ADGRB3: variants seen among roughly 807,000 people sequenced by gnomAD.
The protein encoded by ADGRB3 is adhesion G protein-coupled receptor B3.
Under a neutral mutation model 193.4 loss-of-function variants are expected in ADGRB3, and 37 were observed. That is an observed-to-expected ratio of 0.19 (90% CI 0.15 to 0.25). ADGRB3 has a LOEUF of 0.25. Ranked by LOEUF, ADGRB3 falls within the 10% of genes least tolerant of loss-of-function variation. The pLI is 1.00. For synonymous variants in ADGRB3, 690 were observed against 644.2 expected (o/e 1.07, Z -1.08); for missense variants, 1,637 against 1,852.9 (o/e 0.88, Z 2.14).
intron 3 of ADGRB3, among the ~76,000 whole-genome samples, chr6:68,793,917 G>A (rs1409617087): frequency 6.6e-6 from 1 of 152,012 alleles, no homozygotes; most frequent in African/African-American, 2.4e-5. Context: ...AGCATTTTTT[G>A]TATTAAATCT....
chr6:69,361,006 A>G lies in ADGRB3; in HGVS notation c.3733A>G (p.Ile1245Val). 1 of 1,612,794 alleles carries G rather than the reference A, an allele frequency of 6.2e-7. No individual in the cohort carries two copies. Among genetic ancestry groups the G allele is most frequent in the Non-Finnish European group, 8.5e-7 (1 of 1,179,176 alleles). The change falls in exon 29 of 32, where the codon ATT (isoleucine) becomes GTT (valine). Residue 1245 changes from isoleucine (I) to valine (V), a missense_variant. Physicochemically the swap from Ile to Val is conservative, Grantham distance 29 (BLOSUM62 3). Coordinates refer to ENST00000370598, the MANE Select transcript of ADGRB3 (RefSeq NM_001704.3). The stretch of plus-strand genomic sequence containing the variant: ...CTATTCAACATTGCCTGGAAATGTC[A>G]TTTCCAAAGTCATCATCCAGCAACC... ...LSYSTLPGNV[I>V]SKVIIQQPTG...
intron 17 of ADGRB3, among the ~76,000 whole-genome samples, chr6:69,164,429 G>A (rs1031100817): frequency 6.6e-6 from 1 of 152,080 alleles, no homozygotes; most frequent in African/African-American, 2.4e-5. Context: ...AGAATCAGCG[G>A]TAAGCAGATG....
At chr6:68,690,989 T>C (rs1014396725) in intron 3 of ADGRB3, among the ~76,000 whole-genome samples, 4 of 152,126 alleles carry the variant, frequency 2.6e-5, no homozygotes, top group African/African-American at 9.7e-5. Context: ...TTCTGACAAC[T>C]GAACACTTTA....
At chr6:68,845,037 A>G (rs1294896814) in intron 3 of ADGRB3, among the ~76,000 whole-genome samples, 1 of 152,162 alleles carries the variant, frequency 6.6e-6, no homozygotes, top group Non-Finnish European at 1.5e-5. Flanking sequence ...GAAATAATGG[A>G]TAAGATCTGG....
At position 69,040,347 on chromosome 6, in the gene ADGRB3, T is replaced by TTCTTTCTTTCTTTC. The variant is rs1554251261; in HGVS notation, c.2108-7836_2108-7823dup. Among the ~76,000 whole-genome samples the TTCTTTCTTTCTTTC allele has an allele frequency of 3.0e-3, 162 of 54,416 alleles. 1 individual carries two copies. Among genetic ancestry groups the TTCTTTCTTTCTTTC allele is most frequent in the Non-Finnish European group, 5.5e-3 (145 of 26,596 alleles). The allele number at this position is 54,416 out of a possible 152,430, so 35.7% of individuals were successfully genotyped here. ...TTTCTTTCTTTCTTTCTTTCTTTCT[T>TTCTTTCTTTCTTTC]TCTTTCTTTCTTTCTTTCTTTCTTT... On this transcript the variant is annotated intron_variant, in intron 13 of 31. Coordinates refer to ENST00000370598, the MANE Select transcript of ADGRB3 (RefSeq NM_001704.3).
intron 5 of ADGRB3, among the ~76,000 whole-genome samples, chr6:68,942,928 T>C (rs1767682900): frequency 1.3e-5 from 2 of 152,324 alleles, no homozygotes; most frequent in Middle Eastern, 3.4e-3. Flanking sequence ...TGAATCTTCA[T>C]GGTCTTTTGC....
chr6:69,088,675 A>G (rs555293706), intron 17 of ADGRB3, among the ~76,000 whole-genome samples: 3 of 152,322 alleles, frequency 2.0e-5, no homozygotes, highest in South Asian at 2.1e-4. Context: ...TGCCCGGCCA[A>G]TCTTATGTGT....
At chr6:68,978,140 A>G (rs1013332196) in intron 10 of ADGRB3, among the ~76,000 whole-genome samples, 13 of 151,610 alleles carry the variant, frequency 8.6e-5, no homozygotes, top group African/African-American at 3.1e-4. Flanking sequence ...TACATTGTGA[A>G]AGAGTTGTGT....
intron 3 of ADGRB3, among the ~76,000 whole-genome samples, chr6:68,778,840 C>A (rs535687807): frequency 1.3e-5 from 2 of 152,140 alleles, no homozygotes; most frequent in South Asian, 4.2e-4. Context: ...CTGGTTTGGA[C>A]TTAACCCAAA....
At chr6:69,249,953 G>A (rs561009538) in intron 20 of ADGRB3, among the ~76,000 whole-genome samples, 2 of 152,174 alleles carry the variant, frequency 1.3e-5, no homozygotes, top group Non-Finnish European at 2.9e-5. Context: ...ATCTTAGGCT[G>A]CTAGTGGATT....
chr6:69,027,851 T>A (rs1174428008), intron 13 of ADGRB3, among the ~76,000 whole-genome samples: 1 of 152,166 alleles, frequency 6.6e-6, no homozygotes, highest in African/African-American at 2.4e-5. Flanking sequence ...AGGAAATATA[T>A]CCACTGCATC....
intron 12 of ADGRB3, among the ~76,000 whole-genome samples, chr6:69,016,728 G>C (rs12527549): frequency 0.079 from 12,057 of 151,754 alleles, 600 homozygotes; most frequent in Non-Finnish European, 0.12. Context: ...AGACTATTTA[G>C]CTTTTAAATA....
At chr6:69,149,637 G>A (rs1168464442) in intron 17 of ADGRB3, among the ~76,000 whole-genome samples, 1 of 151,984 alleles carries the variant, frequency 6.6e-6, no homozygotes, top group Non-Finnish European at 1.5e-5. Flanking sequence ...TGAAAAGTTA[G>A]GTATTGATTG....
chr6:69,049,103 C>A (rs984787451), intron 14 of ADGRB3, among the ~76,000 whole-genome samples, 168 bp from the exon 15 acceptor site: 6 of 152,138 alleles, frequency 3.9e-5, no homozygotes, highest in Admixed American at 3.3e-4. Context: ...GAAAACACAT[C>A]TTTGAGAGCT....
intron 13 of ADGRB3, among the ~76,000 whole-genome samples, chr6:69,031,116 C>CTTCGCTTCTCT (rs58370570): frequency 2.2e-4 from 11 of 49,408 alleles, no homozygotes; most frequent in South Asian, 1.1e-3. Context: ...CTTCTCTTCT[C>CTTCGCTTCTCT]TCTCTTCTCT....
Position 69,233,414 on chromosome 6 carries a change from A to T in ADGRB3, c.2605A>T (p.Ile869Leu). ...FAILAQQPRE[I>L]IMESSGTPSV... ...CATTTTGGCTCAGCAACCTAGAGAA[A>T]TAGTAAGTAACAAAGGGAAAACACG... Residue 869 changes from isoleucine (I) to leucine (L), a missense_variant and splice_region_variant, in exon 18 of 32, where the codon ATA (isoleucine) becomes TTA (leucine). Around this residue, in one of 7 missense-constraint regions of ADGRB3, gnomAD observed 641 missense variants for 673.9 expected, o/e 0.95. Coordinates refer to ENST00000370598, the MANE Select transcript of ADGRB3 (RefSeq NM_001704.3). The T allele has an allele frequency of 6.2e-7, 1 of 1,614,050 alleles. No individual in the cohort carries two copies. Among genetic ancestry groups the T allele is most frequent in the Non-Finnish European group, 8.5e-7 (1 of 1,179,950 alleles).
intron 10 of ADGRB3, among the ~76,000 whole-genome samples, chr6:68,990,335 C>A (rs2150273392): frequency 6.6e-6 from 1 of 152,164 alleles, no homozygotes; most frequent in African/African-American, 2.4e-5. Flanking sequence ...ATTCTTTATA[C>A]CCTGTATAAA....
At chr6:68,669,190 A>G (rs1399015519) in intron 3 of ADGRB3, among the ~76,000 whole-genome samples, 1 of 151,940 alleles carries the variant, frequency 6.6e-6, no homozygotes, top group Non-Finnish European at 1.5e-5. Flanking sequence ...TGAGGCATCC[A>G]TCCCCTCAAG....
intron 3 of ADGRB3, among the ~76,000 whole-genome samples, chr6:68,656,968 A>G (rs961277431): frequency 1.3e-5 from 2 of 151,566 alleles, no homozygotes; most frequent in African/African-American, 4.8e-5. Context: ...CTCTTAATTC[A>G]GGTTTTTTAA....
Sources: gnomAD v4.1 joint callset for allele counts (sites outside exome capture counted in the v4.1 genomes callset) on GRCh38, gnomAD v4.1.1 for gene constraint, gnomAD v4.1.1 regional missense constraint, MANE v1.5 for transcripts, NCBI Gene and HGNC (gene_info 2026-07-23, HGNC 2026-07-21) for gene names.